The following SNAI3 variants were observed in gnomAD, a reference collection of about 807,000 sequenced individuals.
SNAI3 encodes the protein snail family transcriptional repressor 3.
In SNAI3, 21 loss-of-function variants were observed where a neutral mutation model predicts 16.4. The observed-to-expected ratio is 1.28, with a 90% CI of 0.91 to 1.85. SNAI3 has a LOEUF of 1.85. SNAI3 is among the 40% of genes most tolerant of loss of function. The pLI, the probability that SNAI3 is intolerant of heterozygous loss-of-function variation, is 0.00. For synonymous variants in SNAI3, 202 were observed against 166.6 expected, an observed-to-expected ratio of 1.21 and a Z score of -1.64; for missense variants, 457 against 372.8, an observed-to-expected ratio of 1.23 and a Z score of -1.86.
At chr16:88,682,761 G>GTTTTTTTTTTTTTT (rs1567627587) in intron 1 of SNAI3, among the ~76,000 whole-genome samples, 1 of 81,862 alleles carries the variant, frequency 1.2e-5, no homozygotes, top group Non-Finnish European at 2.7e-5. Context: ...ATGGGCAAGG[G>GTTTTTTTTTTTTTT]ATTTTTTTTT....
In SNAI3 at chr16:88,677,804, C is replaced by G. The variant is rs1909020403; in HGVS notation, c.*644G>C. 1 of 149,314 alleles carries G rather than the reference C, an allele frequency of 6.7e-6. No homozygotes were observed. Among genetic ancestry groups the G allele is most frequent in the Non-Finnish European group, 1.5e-5 (1 of 66,582 alleles). The allele number at this position is 149,314 out of a possible 1,614,324, so 9.2% of individuals were successfully genotyped here. A position where few individuals can be genotyped will look rare whatever the true frequency, so the allele number is the denominator to read the frequency against. ...AATCCCACAGGCACTCCGCCTCATCCCAACACACCCAAATCACCAATCGTG... is the reference window on the plus strand; with the variant it reads ...AATCCCACAGGCACTCCGCCTCATCGCAACACACCCAAATCACCAATCGTG... On this transcript the variant is annotated 3_prime_UTR_variant, in exon 3 of 3. Coordinates refer to ENST00000332281, the MANE Select transcript of SNAI3 (RefSeq NM_178310.4).
intron 1 of SNAI3, among the ~76,000 whole-genome samples, chr16:88,682,398 G>C (rs2142946103): frequency 6.6e-6 from 1 of 152,364 alleles, no homozygotes; most frequent in Non-Finnish European, 1.5e-5. Flanking sequence ...CCCCAGGACG[G>C]TGTTTCCTCT....
Position 88,678,484 on chromosome 16 carries a change from C to T in SNAI3, c.843G>A (p.Ala281=), listed in dbSNP as rs778696555. ...TKTFSRMSLL[A]RHEESGCCPG... is the part of the protein sequence containing the mutation. ...GGCAGCAGCCAGACTCCTCATGCCGCGCCAGGAGGGACATGCGGGAGAAGG... is the reference window on the plus strand; with the variant it reads ...GGCAGCAGCCAGACTCCTCATGCCGTGCCAGGAGGGACATGCGGGAGAAGG... Residue 281 remains alanine, a synonymous_variant, in exon 3 of 3, where the codon GCG becomes GCA. Transcript: ENST00000332281. 1.8e-5 allele frequency: 14 copies of T among 779,470 alleles called. No individual in the cohort carries two copies. Among genetic ancestry groups the T allele is most frequent in the East Asian group, 2.4e-5 (1 of 41,252 alleles). 48.3% of individuals were successfully genotyped at this position (779,470 alleles called of 1,614,324 possible). A position where few individuals can be genotyped will look rare whatever the true frequency, so the allele number is the denominator to read the frequency against.
In SNAI3 at chr16:88,681,729, G is replaced by A. The variant is rs1317397326; in HGVS notation, c.77-15C>T. The A allele has an allele frequency of 7.0e-7, 1 of 1,423,556 alleles. No individual in the cohort carries two copies. The highest frequency in any genetic ancestry group is 1.9e-4 in the Middle Eastern group (1 of 5,300). The allele number at this position is 1,423,556 out of a possible 1,614,324, so 88.2% of individuals were successfully genotyped here. On this transcript the variant is annotated splice_polypyrimidine_tract_variant and intron_variant, in intron 1 of 2. Coordinates refer to ENST00000332281, the MANE Select transcript of SNAI3 (RefSeq NM_178310.4). The surrounding 1 kb of genome is among the most constrained non-coding windows in gnomAD (Gnocchi z 5.4). The stretch of plus-strand genomic sequence containing the variant: ...ACCATTGATTTCTAGAGGGGTGGAG[G>A]GGAGAGAATAGAAAGATGAAGACTG...
intron 1 of SNAI3, among the ~76,000 whole-genome samples, chr16:88,683,277 A>G (rs559119745): frequency 6.8e-6 from 1 of 146,436 alleles, no homozygotes; most frequent in African/African-American, 2.6e-5. Flanking sequence ...TTTCCCCCAG[A>G]TGGAGTCTCG....
intron 2 of SNAI3, among the ~76,000 whole-genome samples, chr16:88,679,853 G>A (rs1332209549): frequency 2.0e-5 from 3 of 151,788 alleles, no homozygotes; most frequent in East Asian, 3.9e-4. Flanking sequence ...GCCAAGGTGA[G>A]AAAATGGATT....
At position 88,680,201 on chromosome 16, in the gene SNAI3, G is replaced by T. The variant is rs191804008; in HGVS notation, c.697+893C>A. ...CTTTGCACGCTGAGGTTGACAGAAAGCCCGGGCAGAGGCTGCTGGCCGGCT... is the reference window on the plus strand; with the variant it reads ...CTTTGCACGCTGAGGTTGACAGAAATCCCGGGCAGAGGCTGCTGGCCGGCT... On this transcript the variant is annotated intron_variant, in intron 2 of 2. Transcript: ENST00000332281. 2.1e-4 allele frequency among the ~76,000 whole-genome samples: 32 copies of T among 150,836 alleles called. No individual in the cohort carries two copies. The East Asian group carries it at 3.5e-3, about 17-fold the overall frequency.
intron 2 of SNAI3, chr16:88,679,107 C>A (rs571705985): frequency 2.0e-6 from 2 of 985,084 alleles, no homozygotes; most frequent in Admixed American, 6.1e-5. Context: ...GACTGGGAAT[C>A]GTTTGTTCAT....
In SNAI3 at chr16:88,681,496, G is replaced by T; in HGVS notation, c.295C>A (p.Arg99=). ...TCTTTGAGGGGTACAATGGCGGCCC[G>T]GCTGGCCCGAGGGTCGACCTCGCTG... ...EVSEVDPRAS[R]AAIVPLKDSL... Residue 99 remains arginine (R), a synonymous_variant, in exon 2 of 3, where the codon CGG becomes AGG. Transcript: ENST00000332281. This position sits in a 1 kb window ranked among gnomAD's most constrained non-coding sequence, Gnocchi z 5.4. 1 of 1,553,250 alleles carries T rather than the reference G, an allele frequency of 6.4e-7. No individual in the cohort carries two copies. The highest frequency in any genetic ancestry group is 8.7e-7 in the Non-Finnish European group (1 of 1,143,922).
intron 2 of SNAI3, among the ~76,000 whole-genome samples, chr16:88,679,366 C>A (rs188707821): frequency 2.8e-4 from 42 of 152,308 alleles, no homozygotes; most frequent in African/African-American, 1.0e-3. Context: ...TCCCAGAGAC[C>A]TGGAAAAGGC....
chr16:88,678,824 C>G, intron 2 of SNAI3, 195 bp from the exon 3 acceptor site: 4 of 985,490 alleles, frequency 4.1e-6, no homozygotes, highest in Non-Finnish European at 4.8e-6. Flanking sequence ...CAGGCAGCCA[C>G]AGGTGCTAGA....
At chr16:88,683,063 C>G (rs1909233161) in intron 1 of SNAI3, among the ~76,000 whole-genome samples, 1 of 149,290 alleles carries the variant, frequency 6.7e-6, no homozygotes, top group Non-Finnish European at 1.5e-5. Context: ...AGGCGTGAGC[C>G]ACCGCACCTG....
chr16:88,678,022 G>C lies in SNAI3; in HGVS notation c.*426C>G, dbSNP rs8060640. On this transcript the variant is annotated 3_prime_UTR_variant, in exon 3 of 3. Coordinates refer to ENST00000332281, the MANE Select transcript of SNAI3 (RefSeq NM_178310.4). ...GCCTACTGAGGAAGGGCCACAGGGC[G>C]GTGCTCACTATAAGTCAGAACTGTT... 149,497 of 162,946 alleles carry C rather than the reference G, an allele frequency of 0.92. 68,617 individuals carry two copies. The highest frequency in any genetic ancestry group is 1 in the East Asian group (5,503 of 5,528). The allele number at this position is 162,946 out of a possible 1,614,324, so 10.1% of individuals were successfully genotyped here.
rs1909372211 is a variant in SNAI3, at chr16:88,686,498, C to A, written c.-92G>T. 6 of 1,534,504 alleles carry A rather than the reference C, an allele frequency of 3.9e-6. No individual in the cohort carries two copies. The South Asian group carries it at 7.1e-5, about 18-fold the overall frequency. On this transcript the variant is annotated 5_prime_UTR_variant, in exon 1 of 3. Transcript: ENST00000332281. ...TGCGTCCGCCGGCGCTTGAAGGGGT[C>A]AGGCTCATTAGCATAGCGCGCCGCC...
intron 2 of SNAI3, among the ~76,000 whole-genome samples, chr16:88,679,867 C>T (rs1453729470): frequency 6.6e-6 from 1 of 151,534 alleles, no homozygotes; most frequent in Non-Finnish European, 1.5e-5. Flanking sequence ...ATGGATTGAG[C>T]CCAGAAGTTC....
At chr16:88,686,074 A>G in intron 1 of SNAI3, 1 of 504,600 alleles carries the variant, frequency 2.0e-6, no homozygotes, top group South Asian at 2.6e-5. Context: ...TTGGGGGCTT[A>G]GAAAACTTAG....
rs1293508261 is a variant in SNAI3, at chr16:88,683,600, C to T, written c.77-1886G>A. Among the ~76,000 whole-genome samples the T allele has an allele frequency of 6.9e-5, 10 of 144,688 alleles. No homozygotes were observed. The Admixed American group carries it at 6.9e-4, about 10-fold the overall frequency. The allele number at this position is 144,688 out of a possible 152,430, so 94.9% of individuals were successfully genotyped here. On this transcript the variant is annotated intron_variant, in intron 1 of 2. Transcript: ENST00000332281. ...GAGCTGGAGTCTCACTCTTGTCGCCCAGGCTGGAGTGCAATGGCGTGATCT... is the reference window on the plus strand; with the variant it reads ...GAGCTGGAGTCTCACTCTTGTCGCCTAGGCTGGAGTGCAATGGCGTGATCT...
intron 2 of SNAI3, chr16:88,678,943 G>A: frequency 1.0e-6 from 1 of 984,886 alleles, no homozygotes; most frequent in East Asian, 1.1e-4. Context: ...ACAGGCAAGT[G>A]GGGGGGTCTG....
chr16:88,681,540 CCA>C lies in SNAI3; in HGVS notation c.249_250del (p.Gly84AlafsTer59). On this transcript the variant is annotated frameshift_variant, in exon 2 of 3. Transcript: ENST00000332281. LOFTEE classifies it high-confidence loss of function. This position sits in a 1 kb window ranked among gnomAD's most constrained non-coding sequence, Gnocchi z 5.4. ...CTCGCTGACTTCCAAGGCGTCCAGC[CCA>C]GAGGCCCCCAGAGCTTCCTCGATCC... 6.6e-7 allele frequency: 1 copy of C among 1,516,222 alleles called. No individual in the cohort carries two copies. The highest frequency in any genetic ancestry group is 8.8e-7 in the Non-Finnish European group (1 of 1,131,030). 93.9% of individuals were successfully genotyped at this position (1,516,222 alleles called of 1,614,324 possible). A position where few individuals can be genotyped will look rare whatever the true frequency, so the allele number is the denominator to read the frequency against.
Sources: gnomAD v4.1 joint callset for allele counts (sites outside exome capture counted in the v4.1 genomes callset) on GRCh38, gnomAD v4.1.1 for gene constraint, Gnocchi (gnomAD v3.1) non-coding constraint, MANE v1.5 for transcripts, NCBI Gene and HGNC (gene_info 2026-07-23, HGNC 2026-07-21) for gene names.